ACTL8: variants seen among roughly 807,000 people sequenced by gnomAD.
The protein encoded by ACTL8 is actin-like protein 8.
A neutral mutation model predicts 9.3 loss-of-function variants in ACTL8; 3 were observed. The observed-to-expected ratio is 0.32, with a 90% CI of 0.15 to 0.83. The LOEUF (loss-of-function observed/expected upper bound fraction) is 0.83, where lower values mean the gene tolerates loss of function less well. Among genes scored for constraint, ACTL8 ranks in the 40% least tolerant of loss-of-function variants. ACTL8 has a pLI of 0.57. For missense variants in ACTL8, 381 were observed against 492.2 expected, an observed-to-expected ratio of 0.77 and a Z score of 2.14; for synonymous variants, 224 against 205.9, an observed-to-expected ratio of 1.09 and a Z score of -0.75.
chr1:17,771,381 C>T (rs544998633), intron 1 of ACTL8, among the ~76,000 whole-genome samples: 6 of 152,166 alleles, frequency 3.9e-5, no homozygotes, highest in Admixed American at 3.3e-4. Flanking sequence ...GGATTTGGCC[C>T]GTGGGCCATA....
chr1:17,778,003 G>A lies in ACTL8; in HGVS notation c.-25+22499G>A, dbSNP rs117412026. ...GTGAGCCACCGTTCCTAGCCCCGCC[G>A]CCTTTTTCTCTTGGGTTCCTTGTCA... is the stretch of plus-strand genomic sequence containing the variant. On this transcript the variant is annotated intron_variant, in intron 1 of 2. Transcript: ENST00000375406. Among the ~76,000 whole-genome samples, 304 of 152,264 alleles carry A rather than the reference G, an allele frequency of 2.0e-3. 8 individuals carry two copies. In the East Asian group the frequency reaches 0.046, roughly 23 times the overall value.
chr1:17,783,762 A>G (rs2066175000), intron 1 of ACTL8, among the ~76,000 whole-genome samples: 1 of 152,210 alleles, frequency 6.6e-6, no homozygotes, highest in East Asian at 1.9e-4. Context: ...TTCTGGGGAA[A>G]GCTTCTCTTA....
intron 1 of ACTL8, among the ~76,000 whole-genome samples, chr1:17,805,371 CTTTTTCTTT>C (rs1203396709): frequency 1.2e-4 from 14 of 120,852 alleles, no homozygotes; most frequent in African/African-American, 2.5e-4. Context: ...TTTTCTTTTT[CTTTTTCTTT>C]TTTTTTTTTT....
chr1:17,763,287 G>A (rs1249526930), intron 1 of ACTL8, among the ~76,000 whole-genome samples: 1 of 137,950 alleles, frequency 7.2e-6, no homozygotes, highest in African/African-American at 2.7e-5. Context: ...ATGCACCCCT[G>A]TGTTGGCCCC....
In ACTL8 at chr1:17,798,214, G is replaced by A. The variant is rs116087118; in HGVS notation, c.-24-24771G>A. On this transcript the variant is annotated intron_variant, in intron 1 of 2. Coordinates refer to ENST00000375406, the MANE Select transcript of ACTL8 (RefSeq NM_030812.3). ...TCCCTTTTCCTGAAATATGCAGTGG[G>A]AGTGCTGCAGGGTGTGGCACATGTC... Among the ~76,000 whole-genome samples, 517 of 135,362 alleles carry A rather than the reference G, an allele frequency of 3.8e-3. 3 individuals are homozygous for A. The highest frequency in any genetic ancestry group is 7.1e-3 in the Middle Eastern group (2 of 282). 88.8% of individuals were successfully genotyped at this position (135,362 alleles called of 152,430 possible).
In ACTL8 at chr1:17,825,889, G is replaced by A. The variant is rs772634173; in HGVS notation, c.471G>A (p.Val157=). ...VVDSGYGLTR[V]QPFHQGRPLP... is the part of the protein sequence containing the mutation. Reference sequence around the variant, plus strand: ...ATTCTGGCTATGGCCTGACCCGCGTGCAGCCTTTCCACCAGGGCCGCCCCT... The same window carrying A: ...ATTCTGGCTATGGCCTGACCCGCGTACAGCCTTTCCACCAGGGCCGCCCCT... The change falls in exon 3 of 3, where the codon GTG becomes GTA. Residue 157 remains valine (V), a synonymous_variant. Transcript: ENST00000375406. 68 of 1,613,496 alleles carry A rather than the reference G, an allele frequency of 4.2e-5. No homozygotes were observed. Among genetic ancestry groups the A allele is most frequent in the Non-Finnish European group, 5.7e-5 (67 of 1,180,032 alleles).
chr1:17,802,415 C>CCGTGCGTGTGTGTGTGTGTG (rs1203599989), intron 1 of ACTL8, among the ~76,000 whole-genome samples: 18 of 136,578 alleles, frequency 1.3e-4, no homozygotes, highest in African/African-American at 5.3e-4. Flanking sequence ...TCCCGGATGA[C>CCGTGCGTGTGTGTGTGTGTG]TGTGCGTGCG....
At chr1:17,761,567 A>G (rs1260960609) in intron 1 of ACTL8, among the ~76,000 whole-genome samples, 4 of 151,530 alleles carry the variant, frequency 2.6e-5, no homozygotes, top group Non-Finnish European at 4.4e-5. Context: ...ATGTGGGCCC[A>G]AACTTGTTCT....
intron 1 of ACTL8, among the ~76,000 whole-genome samples, chr1:17,766,881 G>A (rs1485068490): frequency 6.6e-6 from 1 of 152,182 alleles, no homozygotes; most frequent in Non-Finnish European, 1.5e-5. Context: ...ATGAATGAAT[G>A]AATGAATCTA....
chr1:17,826,399 C>CT lies in ACTL8; in HGVS notation c.982dup (p.Trp328LeufsTer6). On this transcript the variant is annotated frameshift_variant, in exon 3 of 3. Coordinates refer to ENST00000375406, the MANE Select transcript of ACTL8 (RefSeq NM_030812.3). LOFTEE classifies it low-confidence loss of function (END_TRUNC). The surrounding 1 kb of genome is among the most constrained non-coding windows in gnomAD (Gnocchi z 4.5). Reference sequence around the variant, plus strand: ...ACGTCTCCTCCACCAAGGCCACAGTCTGGGAGGGTTCCAATAGAAACTTTA... The same window carrying CT: ...ACGTCTCCTCCACCAAGGCCACAGTCTTGGGAGGGTTCCAATAGAAACTTTA... The CT allele has an allele frequency of 6.2e-7, 1 of 1,614,132 alleles. No homozygotes were observed. The highest frequency in any genetic ancestry group is 8.5e-7 in the Non-Finnish European group (1 of 1,180,022).
At position 17,779,378 on chromosome 1, in the gene ACTL8, C is replaced by G. The variant is rs1475573745; in HGVS notation, c.-25+23874C>G. On this transcript the variant is annotated intron_variant, in intron 1 of 2. Coordinates refer to ENST00000375406, the MANE Select transcript of ACTL8 (RefSeq NM_030812.3). ...CCTCCCCATTAAATTCCTTTGCCAC[C>G]CTGTCCGGGTTTGATTGCTGCTTCC... Among the ~76,000 whole-genome samples the G allele has an allele frequency of 2.0e-5, 3 of 152,288 alleles. No individual in the cohort carries two copies. In the East Asian group the frequency reaches 5.8e-4, roughly 29 times the overall value.
At chr1:17,812,666 G>A (rs1353195425) in intron 1 of ACTL8, among the ~76,000 whole-genome samples, 1 of 148,296 alleles carries the variant, frequency 6.7e-6, no homozygotes, top group Non-Finnish European at 1.5e-5. Context: ...TCATGAACTT[G>A]TATTTTAGTA....
intron 1 of ACTL8, among the ~76,000 whole-genome samples, chr1:17,772,336 T>G (rs1248564231): frequency 1.3e-5 from 2 of 152,120 alleles, no homozygotes; most frequent in African/African-American, 4.8e-5. Flanking sequence ...CTTGTAAGGC[T>G]CACCTCACCC....
intron 1 of ACTL8, among the ~76,000 whole-genome samples, chr1:17,800,904 A>G (rs1050211366): frequency 4.6e-5 from 7 of 152,060 alleles, no homozygotes; most frequent in African/African-American, 1.7e-4. Context: ...CCTTGGTGTC[A>G]ATCTTAAGAG....
chr1:17,768,556 A>C (rs2066062235), intron 1 of ACTL8, among the ~76,000 whole-genome samples: 1 of 152,240 alleles, frequency 6.6e-6, no homozygotes, highest in African/African-American at 2.4e-5. Context: ...GGATATCATC[A>C]AATGGAATGT....
At chr1:17,771,782 T>C (rs1481586768) in intron 1 of ACTL8, among the ~76,000 whole-genome samples, 1 of 151,998 alleles carries the variant, frequency 6.6e-6, no homozygotes, top group East Asian at 1.9e-4. Context: ...CATGCTGCAG[T>C]GGAGGGGGCG....
intron 1 of ACTL8, among the ~76,000 whole-genome samples, chr1:17,781,537 C>G (rs987818449): frequency 2.6e-5 from 4 of 152,180 alleles, no homozygotes; most frequent in Non-Finnish European, 5.9e-5. Context: ...CTGCACCCAA[C>G]CAGGATACCA....
intron 1 of ACTL8, among the ~76,000 whole-genome samples, chr1:17,772,938 TA>T (rs2066093929): frequency 6.6e-6 from 1 of 152,214 alleles, no homozygotes; most frequent in Non-Finnish European, 1.5e-5. Context: ...GCCTGGAATT[TA>T]TTAGTCTAAT....
At chr1:17,765,431 C>T (rs1299386317) in intron 1 of ACTL8, among the ~76,000 whole-genome samples, 1 of 152,124 alleles carries the variant, frequency 6.6e-6, no homozygotes, top group African/African-American at 2.4e-5. Context: ...GTGCTTTTTA[C>T]ACATTAACTC....
Sources: gnomAD v4.1 joint callset for allele counts (sites outside exome capture counted in the v4.1 genomes callset) on GRCh38, gnomAD v4.1.1 for gene constraint, Gnocchi (gnomAD v3.1) non-coding constraint, MANE v1.5 for transcripts, NCBI Gene and HGNC (gene_info 2026-07-23, HGNC 2026-07-21) for gene names.